The following PHYHIPL variants were observed in gnomAD, a reference collection of about 807,000 sequenced individuals.
The protein encoded by PHYHIPL is phytanoyl-CoA hydroxylase-interacting protein-like.
A neutral mutation model predicts 33.4 loss-of-function variants in PHYHIPL; 9 were observed. That is an observed-to-expected ratio of 0.27 (90% CI 0.16 to 0.47). PHYHIPL has a LOEUF of 0.47. Ranked by LOEUF, PHYHIPL falls within the 20% of genes least tolerant of loss-of-function variation. PHYHIPL has a pLI of 0.99. For synonymous variants in PHYHIPL, 153 were observed against 154.1 expected, an observed-to-expected ratio of 0.99 and a Z score of 0.05; for missense variants, 365 against 460.7, an observed-to-expected ratio of 0.79 and a Z score of 1.90.
At chr10:59,213,037 A>C (rs962641526) in intron 1 of PHYHIPL, among the ~76,000 whole-genome samples, 3 of 152,286 alleles carry the variant, frequency 2.0e-5, no homozygotes, top group Admixed American at 6.5e-5. Context: ...CATAACTATA[A>C]ATTTTATAAA....
Position 59,234,479 on chromosome 10 carries a change from C to A in PHYHIPL, c.282C>A (p.Asn94Lys). 1 of 1,550,888 alleles carries A rather than the reference C, an allele frequency of 6.4e-7. No individual in the cohort carries two copies. The highest frequency in any genetic ancestry group is 8.6e-7 in the Non-Finnish European group (1 of 1,157,174). Reference sequence around the variant, plus strand: ...ACCTCAACAAGAAAGAGAACAAGAACTCCAATAAATTTAAACACAAGGTAA... The same window carrying A: ...ACCTCAACAAGAAAGAGAACAAGAAATCCAATAAATTTAAACACAAGGTAA... ...FIDLNKKENK[N>K]SNKFKHKDVP... Residue 94 changes from asparagine to lysine, a missense_variant, in exon 2 of 5, where the codon AAC becomes AAA. By Grantham distance (94) the Asn-to-Lys change is moderately conservative (BLOSUM62 0). Transcript: ENST00000373880.
At chr10:59,187,157 A>G (rs1347238513) in intron 1 of PHYHIPL, among the ~76,000 whole-genome samples, 1 of 152,178 alleles carries the variant, frequency 6.6e-6, no homozygotes, top group African/African-American at 2.4e-5. Flanking sequence ...TAATTTATTG[A>G]GAGTTTTTAG....
At chr10:59,204,965 A>G (rs913385402) in intron 1 of PHYHIPL, among the ~76,000 whole-genome samples, 46 of 151,580 alleles carry the variant, frequency 3.0e-4, no homozygotes, top group African/African-American at 1.0e-3. Context: ...CCTGGATTCA[A>G]GCGATTCTCC....
chr10:59,193,910 A>G (rs1405415644), intron 1 of PHYHIPL, among the ~76,000 whole-genome samples: 1 of 152,096 alleles, frequency 6.6e-6, no homozygotes, highest in Non-Finnish European at 1.5e-5. Flanking sequence ...TGTTTATACT[A>G]CTTGTTTTGC....
chr10:59,228,196 C>T (rs1206043780), intron 1 of PHYHIPL, among the ~76,000 whole-genome samples: 1 of 151,898 alleles, frequency 6.6e-6, no homozygotes, highest in African/African-American at 2.4e-5. Flanking sequence ...TGGAAACAAT[C>T]TAAATGGATG....
chr10:59,229,847 C>T (rs1465062580), intron 1 of PHYHIPL, among the ~76,000 whole-genome samples: 2 of 150,448 alleles, frequency 1.3e-5, no homozygotes, highest in East Asian at 3.9e-4. Flanking sequence ...GCCATTGTTA[C>T]AGGCGCATAC....
Position 59,177,446 on chromosome 10 carries a change from G to A in PHYHIPL, c.106+487G>A, listed in dbSNP as rs867951347. On this transcript the variant is annotated intron_variant, in intron 1 of 4. Coordinates refer to ENST00000373880, the MANE Select transcript of PHYHIPL (RefSeq NM_032439.4). The stretch of plus-strand genomic sequence containing the variant: ...ATCCTCAGACTCCCCAAATTAACAA[G>A]TCTTTTTAGCCTCTTGGATTGGGAT... 2.6e-5 allele frequency: 39 copies of A among 1,502,738 alleles called. No homozygotes were observed. The Middle Eastern group carries it at 2.6e-3, about 101-fold the overall frequency. 93.1% of individuals were successfully genotyped at this position (1,502,738 alleles called of 1,614,324 possible).
chr10:59,183,383 T>C (rs1415720340), intron 1 of PHYHIPL, among the ~76,000 whole-genome samples: 1 of 152,180 alleles, frequency 6.6e-6, no homozygotes, highest in East Asian at 1.9e-4. Flanking sequence ...AAGAGAACCC[T>C]TAGAAACTTA....
intron 1 of PHYHIPL, among the ~76,000 whole-genome samples, chr10:59,179,223 C>G (rs185279429): frequency 3.3e-5 from 5 of 151,652 alleles, no homozygotes; most frequent in Non-Finnish European, 5.9e-5. Context: ...ACAGACCTTA[C>G]TTAGCATCAT....
At chr10:59,204,208 A>G (rs1050243097) in intron 1 of PHYHIPL, among the ~76,000 whole-genome samples, 7 of 152,212 alleles carry the variant, frequency 4.6e-5, no homozygotes, top group Non-Finnish European at 8.8e-5. Flanking sequence ...AGCATGTAGA[A>G]ATATTAAATT....
intron 1 of PHYHIPL, among the ~76,000 whole-genome samples, chr10:59,203,300 C>T (rs1839181926): frequency 6.6e-6 from 1 of 152,152 alleles, no homozygotes; most frequent in Non-Finnish European, 1.5e-5. Context: ...GAAATAGGAA[C>T]ACTTTTACAC....
intron 1 of PHYHIPL, among the ~76,000 whole-genome samples, chr10:59,205,129 A>G (rs965553174): frequency 6.6e-6 from 1 of 152,264 alleles, no homozygotes; most frequent in African/African-American, 2.4e-5. Context: ...TGCTGGGATT[A>G]CAGGCATGAG....
At chr10:59,204,833 G>A (rs1237034362) in intron 1 of PHYHIPL, among the ~76,000 whole-genome samples, 1 of 150,196 alleles carries the variant, frequency 6.7e-6, no homozygotes, top group African/African-American at 2.4e-5. Flanking sequence ...TGCTCATTTA[G>A]ACAGGATCAG....
At chr10:59,188,510 C>T (rs1050730836) in intron 1 of PHYHIPL, among the ~76,000 whole-genome samples, 5 of 152,136 alleles carry the variant, frequency 3.3e-5, no homozygotes, top group African/African-American at 4.8e-5. Flanking sequence ...AGTTCAATTT[C>T]TGGATATCCT....
intron 1 of PHYHIPL, among the ~76,000 whole-genome samples, chr10:59,218,791 AG>A (rs1189519306): frequency 6.6e-6 from 1 of 152,046 alleles, no homozygotes; most frequent in Non-Finnish European, 1.5e-5. Context: ...TTTAGAAAAA[AG>A]AATACATAAT....
intron 1 of PHYHIPL, among the ~76,000 whole-genome samples, chr10:59,222,754 A>T (rs925617998): frequency 1.3e-5 from 2 of 151,996 alleles, no homozygotes; most frequent in Non-Finnish European, 2.9e-5. Context: ...ATTAAAGATT[A>T]CTAGAGGCAC....
At chr10:59,240,094 AT>A (rs1840345606) in intron 4 of PHYHIPL, among the ~76,000 whole-genome samples, 1 of 152,082 alleles carries the variant, frequency 6.6e-6, no homozygotes, top group South Asian at 2.1e-4. Context: ...TGGTGAAAAA[AT>A]ATTCCTGCCA....
At chr10:59,211,213 A>C (rs1245630697) in intron 1 of PHYHIPL, among the ~76,000 whole-genome samples, 1 of 152,058 alleles carries the variant, frequency 6.6e-6, no homozygotes, top group African/African-American at 2.4e-5. Context: ...ATGTCTAAAA[A>C]AAAAATTATT....
At chr10:59,242,728 T>C (rs1260730893) in intron 4 of PHYHIPL, among the ~76,000 whole-genome samples, 1 of 151,794 alleles carries the variant, frequency 6.6e-6, no homozygotes, top group African/African-American at 2.4e-5. Flanking sequence ...TAAATGAAAA[T>C]TTTGGAACAT....
Sources: allele counts gnomAD v4.1 joint callset (sites outside exome capture counted in the v4.1 genomes callset), GRCh38; gene constraint gnomAD v4.1.1; transcripts MANE v1.5; gene names NCBI Gene and HGNC (gene_info 2026-07-23, HGNC 2026-07-21).